Variants in MACC1 observed in about 807,000 individuals in gnomAD.
MACC1 encodes the protein metastasis-associated in colon cancer protein 1.
In MACC1, 79 loss-of-function variants were observed where a neutral mutation model predicts 70.7. The observed-to-expected ratio is 1.12, with a 90% CI of 0.93 to 1.35. The LOEUF (loss-of-function observed/expected upper bound fraction) is 1.35, where lower values mean the gene tolerates loss of function less well. Among genes scored for constraint, MACC1 ranks in the 40% most tolerant of loss-of-function variants. The pLI, the probability that MACC1 is intolerant of heterozygous loss-of-function variation, is 0.00. For synonymous variants in MACC1, 361 were observed against 347.2 expected (o/e 1.04, Z -0.44); for missense variants, 1,106 against 978.1 (o/e 1.13, Z -1.74).
At chr7:20,184,071 A>G (rs766005341) in intron 1 of MACC1, among the ~76,000 whole-genome samples, 5 of 152,186 alleles carry the variant, frequency 3.3e-5, no homozygotes, top group Admixed American at 1.3e-4. Flanking sequence ...TCCTTCATCT[A>G]TTTAGATTTT....
chr7:20,159,471 C>T lies in MACC1; in HGVS notation c.890G>A (p.Arg297Lys). ...LLEMKIGAEV[R>K]KDPFSQVMTE... ...CATGACTTGGCTGAAAGGATCCTTT[C>T]TTACTTCAGCCCCAATTTTCATCTC... Residue 297 changes from arginine to lysine, a missense_variant, in exon 5 of 7, where the codon AGA (arginine) becomes AAA (lysine). Physicochemically the swap from Arg to Lys is conservative, Grantham distance 26. Transcript: ENST00000400331. 1.2e-6 allele frequency: 2 copies of T among 1,614,050 alleles called. No individual in the cohort carries two copies. Among genetic ancestry groups the T allele is most frequent in the Non-Finnish European group, 1.7e-6 (2 of 1,180,004 alleles).
chr7:20,192,560 T>C (rs1782688865), intron 1 of MACC1, among the ~76,000 whole-genome samples: 1 of 152,150 alleles, frequency 6.6e-6, no homozygotes, highest in Non-Finnish European at 1.5e-5. Context: ...CCACTCCATC[T>C]GGAGCCTAAG....
At chr7:20,149,990 T>C (rs1387598183) in intron 6 of MACC1, among the ~76,000 whole-genome samples, 2 of 152,182 alleles carry the variant, frequency 1.3e-5, no homozygotes, top group Non-Finnish European at 2.9e-5. Context: ...AGTTTGTATA[T>C]ATGTAAAGAG....
At chr7:20,170,262 C>T (rs11975977) in intron 2 of MACC1, 6 of 152,232 alleles carry the variant, frequency 3.9e-5, no homozygotes, top group African/African-American at 7.2e-5. Context: ...TACAATGATA[C>T]GTGAAATATA....
chr7:20,163,417 A>G (rs1484187390), intron 3 of MACC1, among the ~76,000 whole-genome samples: 1 of 152,260 alleles, frequency 6.6e-6, no homozygotes. Flanking sequence ...AATCCCAGTT[A>G]TTTGTTTTAG....
intron 1 of MACC1, among the ~76,000 whole-genome samples, chr7:20,176,854 T>C (rs1032538187): frequency 2.6e-5 from 4 of 152,146 alleles, no homozygotes; most frequent in Admixed American, 2.0e-4. Context: ...CATGACATAC[T>C]CTAAATGATA....
At chr7:20,162,113 C>G (rs186721299) in intron 3 of MACC1, among the ~76,000 whole-genome samples, 14 of 151,876 alleles carry the variant, frequency 9.2e-5, no homozygotes, top group Non-Finnish European at 1.8e-4. Context: ...ATTACTGATC[C>G]CATATAAAAG....
chr7:20,158,120 T>C, intron 5 of MACC1, 84 bp downstream of exon 5: 1 of 1,443,452 alleles, frequency 6.9e-7, no homozygotes, highest in Non-Finnish European at 9.2e-7. Context: ...TAAACATTTC[T>C]CCTCTCACAT....
intron 5 of MACC1, 135 bp downstream of exon 5, chr7:20,158,069 G>T: frequency 9.7e-7 from 1 of 1,026,802 alleles, no homozygotes; most frequent in Non-Finnish European, 1.3e-6. Context: ...AACTATATTT[G>T]CTATAAAGTG....
intron 1 of MACC1, among the ~76,000 whole-genome samples, chr7:20,199,850 C>G (rs958318698): frequency 6.6e-6 from 1 of 151,878 alleles, no homozygotes; most frequent in Non-Finnish European, 1.5e-5. Context: ...TAAATTTAAA[C>G]AATAAAATTA....
intron 1 of MACC1, among the ~76,000 whole-genome samples, chr7:20,196,601 A>T (rs1211218427): frequency 6.6e-6 from 1 of 152,046 alleles, no homozygotes; most frequent in Non-Finnish European, 1.5e-5. Context: ...ATATATATAT[A>T]TAAAACAATG....
intron 6 of MACC1, among the ~76,000 whole-genome samples, chr7:20,143,428 G>T (rs971182197): frequency 3.3e-5 from 5 of 152,076 alleles, no homozygotes; most frequent in African/African-American, 1.2e-4. Context: ...TGGCTCTGTC[G>T]CCCAGGCTGG....
At chr7:20,214,641 C>G (rs1043335348) in intron 1 of MACC1, among the ~76,000 whole-genome samples, 1 of 151,914 alleles carries the variant, frequency 6.6e-6, no homozygotes, top group Non-Finnish European at 1.5e-5. Flanking sequence ...GTACTTTTTG[C>G]CTACTAACAT....
At chr7:20,211,194 A>G (rs550553633) in intron 1 of MACC1, among the ~76,000 whole-genome samples, 4 of 152,282 alleles carry the variant, frequency 2.6e-5, no homozygotes, top group Admixed American at 2.0e-4. Context: ...AACTATTAAC[A>G]TAAGGATTCC....
At chr7:20,204,216 G>A (rs938300973) in intron 1 of MACC1, among the ~76,000 whole-genome samples, 10 of 151,932 alleles carry the variant, frequency 6.6e-5, no homozygotes, top group Non-Finnish European at 1.3e-4. Flanking sequence ...GTGTAGTGGC[G>A]TGATCTCGGC....
chr7:20,181,104 G>A (rs1049953207), intron 1 of MACC1, among the ~76,000 whole-genome samples: 1 of 151,818 alleles, frequency 6.6e-6, no homozygotes, highest in African/African-American at 2.4e-5. Context: ...GTGTGTGTGT[G>A]TGTATAATTA....
chr7:20,207,088 G>C (rs775612372), intron 1 of MACC1, among the ~76,000 whole-genome samples: 2 of 151,694 alleles, frequency 1.3e-5, no homozygotes, highest in African/African-American at 2.4e-5. Context: ...ATTATTTTTA[G>C]GATAATCTTT....
chr7:20,173,619 T>C (rs1782345606), intron 1 of MACC1, among the ~76,000 whole-genome samples: 1 of 152,170 alleles, frequency 6.6e-6, no homozygotes, highest in Admixed American at 6.5e-5. Flanking sequence ...GCAAATAGAG[T>C]GCGACCTCAG....
chr7:20,142,480 A>C (rs1583377155), intron 6 of MACC1, among the ~76,000 whole-genome samples: 2 of 152,352 alleles, frequency 1.3e-5, no homozygotes, highest in Admixed American at 1.3e-4. Context: ...ATGGTGCAGC[A>C]ACAAAAATCA....
Sources: gnomAD v4.1 joint callset for allele counts (sites outside exome capture counted in the v4.1 genomes callset) on GRCh38, gnomAD v4.1.1 for gene constraint, MANE v1.5 for transcripts, NCBI Gene and HGNC (gene_info 2026-07-23, HGNC 2026-07-21) for gene names.